Variants in SPINK6 observed in about 807,000 individuals in gnomAD.
SPINK6 encodes serine peptidase inhibitor Kazal type 6.
Under a neutral mutation model 11.7 loss-of-function variants are expected in SPINK6, and 13 were observed. That is an observed-to-expected ratio of 1.11 (90% CI 0.72 to 1.76). The LOEUF is 1.76. Among genes scored for constraint, SPINK6 ranks in the 40% most tolerant of loss-of-function variants. The probability of loss-of-function intolerance (pLI) is 0.00; values close to 1 mark genes in which losing one functional copy is unlikely to be tolerated. For missense variants in SPINK6, 98 were observed against 93.7 expected (o/e 1.05, Z -0.19); for synonymous variants, 21 against 31.9 (o/e 0.66, Z 1.15).
chr5:148,207,669 A>G (rs1285444402), intron 2 of SPINK6, among the ~76,000 whole-genome samples: 1 of 152,244 alleles, frequency 6.6e-6, no homozygotes, highest in Non-Finnish European at 1.5e-5. Context: ...CATCTCTACT[A>G]AAAATATAAA....
chr5:148,215,128 T>C lies in SPINK6; in HGVS notation c.*178T>C. Reference sequence around the variant, plus strand: ...ATTCACTTGTCAATAAAGTACATTCTGCAAAAGCATTGACTGTGTTCTTAC... The same window carrying C: ...ATTCACTTGTCAATAAAGTACATTCCGCAAAAGCATTGACTGTGTTCTTAC... On this transcript the variant is annotated 3_prime_UTR_variant, in exon 4 of 4. Transcript: ENST00000325630. 1.8e-6 allele frequency: 1 copy of C among 554,112 alleles called. No homozygotes were observed. The highest frequency in any genetic ancestry group is 3.2e-6 in the Non-Finnish European group (1 of 310,338). 34.3% of individuals were successfully genotyped at this position (554,112 alleles called of 1,614,324 possible). A position where few individuals can be genotyped will look rare whatever the true frequency, so the allele number is the denominator to read the frequency against.
intron 2 of SPINK6, among the ~76,000 whole-genome samples, chr5:148,210,318 ATG>A (rs540071239): frequency 8.5e-4 from 17 of 20,086 alleles, no homozygotes; most frequent in African/African-American, 2.6e-3. Context: ...ATATATATGT[ATG>A]TGTTTCTGCA....
chr5:148,202,979 G>A, upstream of SPINK6: 1 of 652,292 alleles, frequency 1.5e-6, no homozygotes, highest in Non-Finnish European at 2.6e-6. Flanking sequence ...CCCATTAAAT[G>A]CATAAACTGC....
chr5:148,212,794 AT>A (rs947201584), intron 2 of SPINK6, among the ~76,000 whole-genome samples: 24 of 129,966 alleles, frequency 1.8e-4, no homozygotes, highest in Non-Finnish European at 3.2e-4. Context: ...TATATTATAT[AT>A]TTTATATATA....
chr5:148,203,915 G>A (rs1581139337), intron 1 of SPINK6, among the ~76,000 whole-genome samples: 1 of 152,044 alleles, frequency 6.6e-6, no homozygotes, highest in East Asian at 1.9e-4. Context: ...ACGTTGTAGG[G>A]CACAAAGCAA....
At chr5:148,207,194 G>A (rs772853562) in intron 2 of SPINK6, among the ~76,000 whole-genome samples, 6 of 152,064 alleles carry the variant, frequency 3.9e-5, no homozygotes, top group Non-Finnish European at 8.8e-5. Context: ...AAACACACAA[G>A]GAAAGGACAT....
Position 148,215,052 on chromosome 5 carries a change from T to A in SPINK6, c.*102T>A. On this transcript the variant is annotated 3_prime_UTR_variant, in exon 4 of 4. Transcript: ENST00000325630. Reference sequence around the variant, plus strand: ...TGGATTCCTTTAATTCATAAAGACATACCTACTCTGCCTGGGTCTTGAGGA... The same window carrying A: ...TGGATTCCTTTAATTCATAAAGACAAACCTACTCTGCCTGGGTCTTGAGGA... 8.9e-7 allele frequency: 1 copy of A among 1,120,172 alleles called. No homozygotes were observed. The highest frequency in any genetic ancestry group is 1.3e-5 in the South Asian group (1 of 77,692). 69.4% of individuals were successfully genotyped at this position (1,120,172 alleles called of 1,614,324 possible). A position where few individuals can be genotyped will look rare whatever the true frequency, so the allele number is the denominator to read the frequency against.
chr5:148,210,262 ATATG>A (rs1264981641), intron 2 of SPINK6, among the ~76,000 whole-genome samples: 1 of 109,818 alleles, frequency 9.1e-6, no homozygotes, highest in African/African-American at 3.6e-5. Flanking sequence ...GCATACATAT[ATATG>A]TATGTGTTTC....
Position 148,214,020 on chromosome 5 carries a change from C to T in SPINK6, c.192C>T (p.Ala64=). 2 of 1,584,508 alleles carry T rather than the reference C, an allele frequency of 1.3e-6. No homozygotes were observed. The highest frequency in any genetic ancestry group is 1.7e-6 in the Non-Finnish European group (2 of 1,153,102). ...TYGNKCAFCK[A]IVKSGGKISL... The stretch of plus-strand genomic sequence containing the variant: ...GCAATAAATGTGCCTTCTGTAAGGC[C>T]ATAGTGTAAGTATTATATTCATCAA... The change falls in exon 3 of 4, where the codon GCC becomes GCT. Residue 64 remains alanine (A), a synonymous_variant. Coordinates refer to ENST00000325630, the MANE Select transcript of SPINK6 (RefSeq NM_205841.4).
intron 2 of SPINK6, among the ~76,000 whole-genome samples, chr5:148,213,203 T>C (rs1755635973): frequency 7.4e-6 from 1 of 135,134 alleles, no homozygotes; most frequent in Admixed American, 8.3e-5. Flanking sequence ...ATGTTTTTTG[T>C]TTGTTTGTTT....
At position 148,203,043 on chromosome 5, in the gene SPINK6, C is replaced by T; in HGVS notation, c.-54C>T. 2 of 1,481,914 alleles carry T rather than the reference C, an allele frequency of 1.3e-6. No homozygotes were observed. Among genetic ancestry groups the T allele is most frequent in the Non-Finnish European group, 9.2e-7 (1 of 1,086,234 alleles). The allele number at this position is 1,481,914 out of a possible 1,614,324, so 91.8% of individuals were successfully genotyped here. A position where few individuals can be genotyped will look rare whatever the true frequency, so the allele number is the denominator to read the frequency against. On this transcript the variant is annotated 5_prime_UTR_variant, in exon 1 of 4. Transcript: ENST00000325630. ...TAGGGCTTTCTGGGAATTGTCTTGA[C>T]AGAGAACCTCAGCTGGACAAAGCAG... is the stretch of plus-strand genomic sequence containing the variant.
At chr5:148,209,542 G>T (rs1401797604) in intron 2 of SPINK6, among the ~76,000 whole-genome samples, 1 of 152,152 alleles carries the variant, frequency 6.6e-6, no homozygotes, top group Non-Finnish European at 1.5e-5. Context: ...GGAGGAAAAT[G>T]AGGAAGAGAC....
chr5:148,207,020 T>TG (rs1755507924), intron 2 of SPINK6, among the ~76,000 whole-genome samples: 2 of 46,464 alleles, frequency 4.3e-5, no homozygotes, highest in Non-Finnish European at 8.5e-5. Context: ...TGATGATGCA[T>TG]TTGTGTGTGT....
At chr5:148,209,969 T>TACGGATGTATGTATACATACAC in intron 2 of SPINK6, among the ~76,000 whole-genome samples, 1 of 126,684 alleles carries the variant, frequency 7.9e-6, no homozygotes, top group Non-Finnish European at 1.7e-5. Flanking sequence ...TATACATACA[T>TACGGATGTATGTATACATACAC]ACGTACGTAT....
At chr5:148,210,728 A>G (rs918950621) in intron 2 of SPINK6, among the ~76,000 whole-genome samples, 1 of 152,150 alleles carries the variant, frequency 6.6e-6, no homozygotes, top group Non-Finnish European at 1.5e-5. Flanking sequence ...GAAAGTCTGG[A>G]AAGAGTTTCA....
chr5:148,206,012 T>G, intron 1 of SPINK6, 24 bp from the exon 2 acceptor site: 1 of 1,613,822 alleles, frequency 6.2e-7, no homozygotes, highest in Non-Finnish European at 8.5e-7. Flanking sequence ...ATTACAGTGT[T>G]TGAATGTTGT....
rs147765099 is a variant in SPINK6, at chr5:148,211,176, A to G, written c.82-2734A>G. On this transcript the variant is annotated intron_variant, in intron 2 of 3. Transcript: ENST00000325630. ...AGTGGTCCTCTCCTGCCCAGCCACC[A>G]TATTAAAATGTCTCATAGAGTGAGT... Among the ~76,000 whole-genome samples, 1,321 of 152,274 alleles carry G rather than the reference A, an allele frequency of 8.7e-3. 10 individuals are homozygous for G. The highest frequency in any genetic ancestry group is 0.03 in the African/African-American group (1,252 of 41,548).
chr5:148,213,136 C>A (rs1364595124), intron 2 of SPINK6, among the ~76,000 whole-genome samples: 3 of 151,610 alleles, frequency 2.0e-5, no homozygotes, highest in Non-Finnish European at 4.4e-5. Flanking sequence ...ATATTGCATC[C>A]ACAGGGAAAA....
chr5:148,213,898 T>C lies in SPINK6; in HGVS notation c.82-12T>C. The C allele has an allele frequency of 7.1e-7, 1 of 1,406,214 alleles. No homozygotes were observed. Among genetic ancestry groups the C allele is most frequent in the Non-Finnish European group, 1.0e-6 (1 of 988,176 alleles). 87.1% of individuals were successfully genotyped at this position (1,406,214 alleles called of 1,614,324 possible). A position where few individuals can be genotyped will look rare whatever the true frequency, so the allele number is the denominator to read the frequency against. On this transcript the variant is annotated splice_polypyrimidine_tract_variant and intron_variant, in intron 2 of 3. Coordinates refer to ENST00000325630, the MANE Select transcript of SPINK6 (RefSeq NM_205841.4). ...TGCACTGATGTCAATGTCACTCTGC[T>C]TACTTTGGTAGGTTGACTGTGGTGA...
Sources: allele counts gnomAD v4.1 joint callset (sites outside exome capture counted in the v4.1 genomes callset), GRCh38; gene constraint gnomAD v4.1.1; transcripts MANE v1.5; gene names NCBI Gene and HGNC (gene_info 2026-07-23, HGNC 2026-07-21).